FYB1: variants seen among roughly 807,000 people sequenced by gnomAD.
FYB1 encodes FYN binding protein 1.
A neutral mutation model predicts 94.1 loss-of-function variants in FYB1; 41 were observed. The observed-to-expected ratio is 0.44, with a 90% CI of 0.34 to 0.57. FYB1 has a LOEUF of 0.57. Ranked by LOEUF, FYB1 falls within the 20% of genes least tolerant of loss-of-function variation. The pLI is 0.02. For missense variants in FYB1, 1,050 were observed against 976.8 expected, an observed-to-expected ratio of 1.07 and a Z score of -1.00; for synonymous variants, 367 against 353.2, an observed-to-expected ratio of 1.04 and a Z score of -0.44.
chr5:39,249,616 A>G (rs1751631394), intron 1 of FYB1, among the ~76,000 whole-genome samples: 2 of 152,216 alleles, frequency 1.3e-5, no homozygotes, highest in South Asian at 4.1e-4. Flanking sequence ...AGTGAGTCAA[A>G]GAGGACAAGA....
intron 2 of FYB1, among the ~76,000 whole-genome samples, chr5:39,186,239 C>T (rs1041148807): frequency 5.9e-5 from 9 of 152,272 alleles, no homozygotes; most frequent in African/African-American, 1.9e-4. Flanking sequence ...TCTTGGCCAA[C>T]ATGGTGAAAC....
chr5:39,247,628 G>C (rs750420819), intron 1 of FYB1, among the ~76,000 whole-genome samples: 1 of 151,936 alleles, frequency 6.6e-6, no homozygotes, highest in Non-Finnish European at 1.5e-5. Flanking sequence ...ATTTATATTG[G>C]ATATTTTTTA....
chr5:39,204,578 G>T (rs962234293), intron 1 of FYB1, among the ~76,000 whole-genome samples: 4 of 152,300 alleles, frequency 2.6e-5, no homozygotes, highest in Admixed American at 1.3e-4. Flanking sequence ...GCAAACTCAG[G>T]TGTATCTGGG....
intron 1 of FYB1, among the ~76,000 whole-genome samples, chr5:39,208,206 G>A (rs1361118864): frequency 2.0e-5 from 3 of 152,144 alleles, no homozygotes; most frequent in Non-Finnish European, 4.4e-5. Flanking sequence ...AATTTAAAAT[G>A]ACTTGGAAGC....
intron 1 of FYB1, chr5:39,270,691 G>T: frequency 1.1e-6 from 1 of 924,626 alleles, no homozygotes; most frequent in Non-Finnish European, 1.6e-6. Context: ...TGTGTGGTCT[G>T]TCCAGCTTTC....
At chr5:39,109,765 G>T (rs192479185) in intron 17 of FYB1, among the ~76,000 whole-genome samples, 125 of 152,038 alleles carry the variant, frequency 8.2e-4, no homozygotes, top group East Asian at 5.8e-4. Flanking sequence ...ATGTTTCAGG[G>T]GACTCCAAAG....
chr5:39,222,501 G>A (rs1750312128), upstream of FYB1, among the ~76,000 whole-genome samples: 1 of 152,190 alleles, frequency 6.6e-6, no homozygotes, highest in Non-Finnish European at 1.5e-5. Flanking sequence ...TGTCCTAAAA[G>A]TATATACATT....
intron 2 of FYB1, among the ~76,000 whole-genome samples, chr5:39,163,045 TA>T (rs1426423831): frequency 6.6e-6 from 1 of 152,316 alleles, no homozygotes; most frequent in East Asian, 1.9e-4. Context: ...TATTAGTAGA[TA>T]TTGTTATGTA....
intron 2 of FYB1, among the ~76,000 whole-genome samples, chr5:39,158,984 A>C (rs1744006661): frequency 6.6e-6 from 1 of 152,164 alleles, no homozygotes; most frequent in Non-Finnish European, 1.5e-5. Context: ...TCTCCATGTG[A>C]TTTAGTTTCT....
At chr5:39,137,771 T>C (rs1741789295) in intron 6 of FYB1, 51 bp from the exon 7 acceptor site, 7 of 1,547,184 alleles carry the variant, frequency 4.5e-6, no homozygotes, top group Non-Finnish European at 6.1e-6. Flanking sequence ...TGTTGATGCG[T>C]CGGAACTCCC....
At chr5:39,254,818 G>A (rs558890344) in intron 1 of FYB1, among the ~76,000 whole-genome samples, 1 of 152,258 alleles carries the variant, frequency 6.6e-6, no homozygotes, top group South Asian at 2.1e-4. Flanking sequence ...CAAATCAAGA[G>A]GGATTAGTGC....
intron 3 of FYB1, among the ~76,000 whole-genome samples, chr5:39,149,580 G>A (rs1035244142): frequency 2.6e-5 from 4 of 152,122 alleles, no homozygotes; most frequent in African/African-American, 9.7e-5. Flanking sequence ...TTGTAAAGGA[G>A]TTGTTTATAT....
chr5:39,264,795 C>T (rs1289551262), intron 1 of FYB1, among the ~76,000 whole-genome samples: 2 of 152,140 alleles, frequency 1.3e-5, no homozygotes, highest in Admixed American at 6.5e-5. Context: ...CCATGTGCAG[C>T]CAGAGTAGAG....
At chr5:39,196,203 T>A (rs2150477417) in intron 2 of FYB1, among the ~76,000 whole-genome samples, 1 of 136,694 alleles carries the variant, frequency 7.3e-6, no homozygotes, top group African/African-American at 2.9e-5. Context: ...TAAATATAAT[T>A]CTTTCTTTTT....
At chr5:39,257,858 G>T (rs1280874676) in intron 1 of FYB1, among the ~76,000 whole-genome samples, 7 of 151,736 alleles carry the variant, frequency 4.6e-5, no homozygotes, top group African/African-American at 1.7e-4. Flanking sequence ...CAAAATCTCT[G>T]GGCTTGGCAC....
chr5:39,193,353 A>G (rs935186807), intron 2 of FYB1, among the ~76,000 whole-genome samples: 2 of 152,234 alleles, frequency 1.3e-5, no homozygotes, highest in Non-Finnish European at 2.9e-5. Context: ...GGGAAATTTC[A>G]GAGTGTCCCT....
At chr5:39,264,837 C>A (rs1002326335) in intron 1 of FYB1, among the ~76,000 whole-genome samples, 1 of 152,144 alleles carries the variant, frequency 6.6e-6, no homozygotes, top group African/African-American at 2.4e-5. Flanking sequence ...ATCCCCTCAT[C>A]AGAGACCAGA....
At chr5:39,224,412 C>T (rs908071018), upstream of FYB1, among the ~76,000 whole-genome samples, 7 of 152,164 alleles carry the variant, frequency 4.6e-5, no homozygotes, top group Admixed American at 2.6e-4. Flanking sequence ...TCCCAAGCTT[C>T]GCCACTGCTC....
intron 1 of FYB1, among the ~76,000 whole-genome samples, chr5:39,237,335 G>T (rs1413414093): frequency 1.3e-5 from 2 of 152,014 alleles, no homozygotes; most frequent in African/African-American, 2.4e-5. Context: ...GGAAGTAAAA[G>T]GGCAAATACG....
Sources: gnomAD v4.1 joint callset for allele counts (sites outside exome capture counted in the v4.1 genomes callset) on GRCh38, gnomAD v4.1.1 for gene constraint, MANE v1.5 for transcripts, NCBI Gene and HGNC (gene_info 2026-07-23, HGNC 2026-07-21) for gene names.